The following MACROD2 variants were observed in gnomAD, a reference collection of about 807,000 sequenced individuals.
MACROD2 encodes the protein mono-ADP ribosylhydrolase 2.
MACROD2 carries 36 observed loss-of-function variants against 70.4 expected under a neutral mutation model. The observed-to-expected ratio is 0.51, with a 90% CI of 0.39 to 0.68. The LOEUF (loss-of-function observed/expected upper bound fraction) is 0.68. Among genes scored for constraint, MACROD2 ranks in the 30% least tolerant of loss-of-function variants. MACROD2 has a pLI of 0.00. For missense variants in MACROD2, 496 were observed against 538.4 expected, an observed-to-expected ratio of 0.92 and a Z score of 0.78; for synonymous variants, 172 against 178.8, an observed-to-expected ratio of 0.96 and a Z score of 0.30.
At chr20:15,256,630 C>T (rs2077201962) in intron 6 of MACROD2, among the ~76,000 whole-genome samples, 1 of 151,786 alleles carries the variant, frequency 6.6e-6, no homozygotes, top group Admixed American at 6.6e-5. Flanking sequence ...GTAATTTAAA[C>T]CAATTGAAAA....
chr20:15,618,358 T>G (rs1420898775), intron 8 of MACROD2, among the ~76,000 whole-genome samples: 1 of 152,110 alleles, frequency 6.6e-6, no homozygotes, highest in Non-Finnish European at 1.5e-5. Flanking sequence ...TCCAGCCACA[T>G]GGAAACAAGG....
chr20:14,216,837 C>T (rs1015047617), intron 3 of MACROD2, among the ~76,000 whole-genome samples: 1 of 151,834 alleles, frequency 6.6e-6, no homozygotes, highest in African/African-American at 2.4e-5. Context: ...AGAAGAGCTA[C>T]TGATTTGTGT....
chr20:14,442,356 AT>A (rs1175753908), intron 3 of MACROD2, among the ~76,000 whole-genome samples: 9 of 152,128 alleles, frequency 5.9e-5, no homozygotes, highest in Admixed American at 5.2e-4. Context: ...AATGGGGAAA[AT>A]TAAATAAGCA....
intron 7 of MACROD2, among the ~76,000 whole-genome samples, chr20:15,437,275 C>A (rs532559488): frequency 9.2e-4 from 140 of 152,224 alleles, no homozygotes; most frequent in African/African-American, 3.1e-3. Context: ...GGTACCCATT[C>A]ATCATGGTTA....
chr20:14,033,179 A>G (rs1045058740), intron 2 of MACROD2, among the ~76,000 whole-genome samples: 1 of 148,616 alleles, frequency 6.7e-6, no homozygotes, highest in African/African-American at 2.5e-5. Flanking sequence ...TTCCCCCCAG[A>G]TATCTATCTA....
In MACROD2 at chr20:14,340,582, A is replaced by AT. The variant is rs1303330846; in HGVS notation, c.272-152887dup. 4.7e-3 allele frequency among the ~76,000 whole-genome samples: 704 copies of AT among 150,730 alleles called. 3 individuals carry two copies. The highest frequency in any genetic ancestry group is 0.016 in the African/African-American group (640 of 41,034). On this transcript the variant is annotated intron_variant, in intron 3 of 17. Transcript: ENST00000684519. ...AGAGGAATAGAAGAGCATTTCATTG[A>AT]TTTTTTTTTTCTCTTGTACTTACAC...
chr20:15,409,188 A>G (rs1382518877), intron 6 of MACROD2, among the ~76,000 whole-genome samples: 1 of 152,180 alleles, frequency 6.6e-6, no homozygotes, highest in Non-Finnish European at 1.5e-5. Context: ...AGACCAAATG[A>G]TGGGTGATAC....
intron 6 of MACROD2, among the ~76,000 whole-genome samples, chr20:15,353,022 C>A (rs1315361254): frequency 1.3e-5 from 2 of 151,640 alleles, no homozygotes; most frequent in African/African-American, 4.8e-5. Context: ...CATATGGAAC[C>A]AAAAAAGAGC....
intron 6 of MACROD2, among the ~76,000 whole-genome samples, chr20:15,407,972 C>T (rs138717978): frequency 2.9e-3 from 436 of 152,278 alleles, no homozygotes; most frequent in Non-Finnish European, 5.1e-3. Flanking sequence ...AGTCTCTCAG[C>T]GCAGTGTCCT....
chr20:15,395,387 T>G (rs6043250), intron 6 of MACROD2, among the ~76,000 whole-genome samples: 6,179 of 152,296 alleles, frequency 0.041, 386 homozygotes, highest in African/African-American at 0.14. Flanking sequence ...TTTTCTTTTT[T>G]GAAACATTTT....
rs10626103 is a variant in MACROD2, at chr20:15,936,671, G to GTATATATATATATATA, written c.839-803_839-788dup. On this transcript the variant is annotated intron_variant, in intron 11 of 17. Coordinates refer to ENST00000684519, the MANE Select transcript of MACROD2 (RefSeq NM_001351661.2). Reference sequence around the variant, plus strand: ...TTTTGTCCATAATGTGTATATGTGTGTATATATATATATATATTCATTTTC... The same window carrying GTATATATATATATATA: ...TTTTGTCCATAATGTGTATATGTGTGTATATATATATATATATATATATATATATATATTCATTTTC... 2.6e-3 allele frequency among the ~76,000 whole-genome samples: 367 copies of GTATATATATATATATA among 143,278 alleles called. 15 individuals are homozygous for GTATATATATATATATA. In the East Asian group the frequency reaches 0.065, roughly 25 times the overall value. The allele number at this position is 143,278 out of a possible 152,430, so 94.0% of individuals were successfully genotyped here.
At chr20:15,877,832 G>A (rs1292680166) in intron 9 of MACROD2, among the ~76,000 whole-genome samples, 1 of 152,102 alleles carries the variant, frequency 6.6e-6, no homozygotes, top group Non-Finnish European at 1.5e-5. Context: ...AGAGAACTTG[G>A]AAGCATGTGA....
rs970321038 is a variant in MACROD2 at position 14,011,131 on chromosome 20, T to A, written c.163+8727T>A. On this transcript the variant is annotated intron_variant, in intron 2 of 17. Coordinates refer to ENST00000684519, the MANE Select transcript of MACROD2 (RefSeq NM_001351661.2). ...TGTGTTTGGGGGCAAGTAGACCACT[T>A]TGATATTTGTGGTGTTGAACTCATG... is the stretch of plus-strand genomic sequence containing the variant. Among the ~76,000 whole-genome samples the A allele has an allele frequency of 2.6e-5, 4 of 152,156 alleles. No homozygotes were observed. The East Asian group carries it at 7.7e-4, about 29-fold the overall frequency.
rs771964680 is a variant in MACROD2 at position 15,862,737 on chromosome 20, G to C, written c.646-8G>C. On this transcript the variant is annotated splice_region_variant and splice_polypyrimidine_tract_variant and intron_variant, in intron 8 of 17. Transcript: ENST00000684519. ...TTTCACTTTGAGTGTTTTATCTTTTGCCTCTAGGTGGATCGGATCATTTTC... is the reference window on the plus strand; with the variant it reads ...TTTCACTTTGAGTGTTTTATCTTTTCCCTCTAGGTGGATCGGATCATTTTC... The C allele has an allele frequency of 4.4e-6, 7 of 1,603,436 alleles. No individual in the cohort carries two copies. In the South Asian group the frequency reaches 6.7e-5, roughly 15 times the overall value.
At chr20:14,596,572 T>C (rs375602986) in intron 4 of MACROD2, among the ~76,000 whole-genome samples, 4 of 152,040 alleles carry the variant, frequency 2.6e-5, no homozygotes, top group African/African-American at 9.7e-5. Context: ...TTTGTCTTTC[T>C]TCAGTACTTT....
In MACROD2 at chr20:14,780,398, AC is replaced by A. The variant is rs563626801; in HGVS notation, c.418+95440del. On this transcript the variant is annotated intron_variant, in intron 5 of 17. Transcript: ENST00000684519. ...ACCAACATGGAAAAACGCCATCTCT[AC>A]AAAAAATACAAACTTAGTCGGGCGT... Among the ~76,000 whole-genome samples the A allele has an allele frequency of 1.6e-3, 247 of 152,080 alleles. 1 individual carries two copies. Among genetic ancestry groups the A allele is most frequent in the African/African-American group, 5.5e-3 (230 of 41,448 alleles).
intron 8 of MACROD2, among the ~76,000 whole-genome samples, chr20:15,827,531 T>C (rs2064010307): frequency 1.3e-5 from 2 of 152,310 alleles, no homozygotes; most frequent in Middle Eastern, 6.8e-3. Context: ...TGACATTCTT[T>C]GAAATGGAAG....
At chr20:15,125,586 T>C (rs2076060554) in intron 5 of MACROD2, among the ~76,000 whole-genome samples, 1 of 152,152 alleles carries the variant, frequency 6.6e-6, no homozygotes, top group Non-Finnish European at 1.5e-5. Context: ...TTTTATTTTA[T>C]GTATTTGATA....
intron 8 of MACROD2, among the ~76,000 whole-genome samples, chr20:15,554,268 G>A (rs150707511): frequency 2.0e-5 from 3 of 152,318 alleles, no homozygotes; most frequent in South Asian, 2.1e-4. Context: ...AATGGTGAAG[G>A]TGAAGAGAGA....
Sources: gnomAD v4.1 joint callset for allele counts (sites outside exome capture counted in the v4.1 genomes callset) on GRCh38, gnomAD v4.1.1 for gene constraint, MANE v1.5 for transcripts, NCBI Gene and HGNC (gene_info 2026-07-23, HGNC 2026-07-21) for gene names.